Variants in WDR59 observed in about 807,000 individuals in gnomAD.
WDR59 encodes the protein GATOR2 complex protein WDR59.
A neutral mutation model predicts 131.2 loss-of-function variants in WDR59; 100 were observed. That is an observed-to-expected ratio of 0.76 (90% CI 0.65 to 0.90). WDR59 has a LOEUF of 0.90. WDR59 is among the 40% of genes least tolerant of loss of function. The pLI is 0.00. For synonymous variants in WDR59, 601 were observed against 466.2 expected, an observed-to-expected ratio of 1.29 and a Z score of -3.72; for missense variants, 1,203 against 1,262.2, an observed-to-expected ratio of 0.95 and a Z score of 0.71.
intron 20 of WDR59, among the ~76,000 whole-genome samples, chr16:74,890,996 C>T (rs1006084362): frequency 6.6e-6 from 1 of 151,914 alleles, no homozygotes; most frequent in African/African-American, 2.4e-5. Flanking sequence ...CGCCTGTAGT[C>T]CCAGCTACTT....
At chr16:74,906,599 G>A (rs762373438) in intron 17 of WDR59, among the ~76,000 whole-genome samples, 3 of 152,094 alleles carry the variant, frequency 2.0e-5, no homozygotes, top group South Asian at 2.1e-4. Context: ...CATAATGGCC[G>A]AAAACTGGAA....
intron 9 of WDR59, among the ~76,000 whole-genome samples, chr16:74,922,802 A>C (rs754234886): frequency 6.6e-6 from 1 of 152,228 alleles, no homozygotes; most frequent in Non-Finnish European, 1.5e-5. Flanking sequence ...TTAATCCAGA[A>C]AAGTATTTCA....
chr16:74,906,382 GCAATA>G (rs1368641163), intron 17 of WDR59, among the ~76,000 whole-genome samples: 11 of 149,642 alleles, frequency 7.4e-5, no homozygotes, highest in African/African-American at 2.7e-4. Flanking sequence ...GAAAGGACTA[GCAATA>G]CCAAGTTTTG....
intron 1 of WDR59, among the ~76,000 whole-genome samples, chr16:74,972,819 C>CT (rs1180435220): frequency 8.5e-5 from 4 of 46,808 alleles, no homozygotes. Flanking sequence ...AGGACTCTGT[C>CT]TTAAAAAAAA....
intron 1 of WDR59, among the ~76,000 whole-genome samples, chr16:74,977,941 C>G (rs1567447396): frequency 6.6e-6 from 1 of 152,168 alleles, no homozygotes. Flanking sequence ...AGGGTGGTGG[C>G]TCATGCCTGT....
chr16:74,950,077 C>T (rs969837723), intron 4 of WDR59: 8 of 440,098 alleles, frequency 1.8e-5, no homozygotes, highest in Non-Finnish European at 3.1e-5. Context: ...CGCAGCGGCT[C>T]ACGACTGTAA....
chr16:74,984,798 G>T, intron 1 of WDR59, 166 bp downstream of exon 1: 1 of 953,898 alleles, frequency 1.0e-6, no homozygotes, highest in Non-Finnish European at 1.5e-6. Flanking sequence ...CCCGATGGTC[G>T]TCTTCCCTCC....
intron 21 of WDR59, 61 bp from the exon 22 acceptor site, chr16:74,888,380 TCA>T: frequency 6.5e-7 from 1 of 1,542,178 alleles, no homozygotes; most frequent in Non-Finnish European, 8.8e-7. Flanking sequence ...AGGAAAGCGG[TCA>T]CAGTCATGGC....
chr16:74,924,241 G>A (rs1270365962), intron 8 of WDR59, among the ~76,000 whole-genome samples: 1 of 152,126 alleles, frequency 6.6e-6, no homozygotes, highest in Non-Finnish European at 1.5e-5. Flanking sequence ...AAACGCGGCA[G>A]GTCACTGTCA....
chr16:74,913,190 G>C (rs977735829), intron 13 of WDR59, among the ~76,000 whole-genome samples: 1 of 151,940 alleles, frequency 6.6e-6, no homozygotes, highest in Non-Finnish European at 1.5e-5. Flanking sequence ...CACATCTGCA[G>C]ACTACACAAA....
intron 1 of WDR59, among the ~76,000 whole-genome samples, chr16:74,968,028 G>A (rs1165037158): frequency 6.6e-6 from 1 of 152,156 alleles, no homozygotes; most frequent in Non-Finnish European, 1.5e-5. Flanking sequence ...AACATGCTAA[G>A]TAGAGTATCC....
chr16:74,923,485 T>A (rs982638512), intron 9 of WDR59, among the ~76,000 whole-genome samples: 2 of 152,192 alleles, frequency 1.3e-5, no homozygotes, highest in Non-Finnish European at 2.9e-5. Context: ...TTTATTTTTT[T>A]ATTTTTTTTG....
chr16:74,914,291 A>G (rs1164210614), intron 13 of WDR59, among the ~76,000 whole-genome samples: 1 of 152,248 alleles, frequency 6.6e-6, no homozygotes, highest in Admixed American at 6.5e-5. Context: ...GAAGAAAGGA[A>G]TCAAGATCTT....
At position 74,874,395 on chromosome 16, in the gene WDR59, C is replaced by G; in HGVS notation, c.2739G>C (p.Gln913His). The change falls in exon 26 of 26, where the codon CAG becomes CAC. Residue 913 changes from glutamine (Q) to histidine (H), a missense_variant. Coordinates refer to ENST00000262144, the MANE Select transcript of WDR59 (RefSeq NM_030581.4). ...SHCRSEVRGT[Q>H]CAICKGFTFQ... ...ACGTGAAGCCTTTGCAGATGGCACA[C>G]TGCGTGCCACGGACCTCACTCCGGC... The G allele has an allele frequency of 6.2e-7, 1 of 1,614,120 alleles. No individual in the cohort carries two copies. Among genetic ancestry groups the G allele is most frequent in the Non-Finnish European group, 8.5e-7 (1 of 1,180,036 alleles).
chr16:74,905,417 C>T (rs1965754073), intron 17 of WDR59, among the ~76,000 whole-genome samples: 1 of 151,506 alleles, frequency 6.6e-6, no homozygotes, highest in Admixed American at 6.6e-5. Context: ...CACGGTGGCT[C>T]ACGCTCGTAA....
intron 10 of WDR59, 104 bp downstream of exon 10, chr16:74,921,843 C>A (rs1398108232): frequency 2.1e-6 from 3 of 1,412,470 alleles, no homozygotes; most frequent in Admixed American, 5.2e-5. Flanking sequence ...TCCTAAAGCC[C>A]AGCTCTCTCT....
chr16:74,927,971 G>A (rs569007195), intron 8 of WDR59, among the ~76,000 whole-genome samples: 35 of 141,714 alleles, frequency 2.5e-4, no homozygotes, highest in South Asian at 6.9e-4. Flanking sequence ...GCAGTAGCGC[G>A]ATCTCGGCTC....
At chr16:74,916,796 T>A (rs1310474697) in intron 11 of WDR59, among the ~76,000 whole-genome samples, 1 of 150,694 alleles carries the variant, frequency 6.6e-6, no homozygotes, top group Non-Finnish European at 1.5e-5. Context: ...GAGGCAGAGG[T>A]TGCAGTGAGC....
chr16:74,953,726 G>A (rs1267489621), intron 3 of WDR59, among the ~76,000 whole-genome samples: 6 of 152,126 alleles, frequency 3.9e-5, no homozygotes, highest in Admixed American at 1.3e-4. Flanking sequence ...GCAAGGCCGG[G>A]CGTGGTGTCT....
Sources: gnomAD v4.1 joint callset for allele counts (sites outside exome capture counted in the v4.1 genomes callset) on GRCh38, gnomAD v4.1.1 for gene constraint, MANE v1.5 for transcripts, NCBI Gene and HGNC (gene_info 2026-07-23, HGNC 2026-07-21) for gene names.